The following FBXL20 variants were observed in gnomAD, a reference collection of about 807,000 sequenced individuals.
FBXL20 encodes the protein F-box/LRR-repeat protein 20.
A neutral mutation model predicts 64.0 loss-of-function variants in FBXL20; 11 were observed. That is an observed-to-expected ratio of 0.17 (90% CI 0.11 to 0.28). The LOEUF (loss-of-function observed/expected upper bound fraction) is 0.28, where lower values mean the gene tolerates loss of function less well. FBXL20 is among the 10% of genes least tolerant of loss of function. The pLI, the probability that FBXL20 is intolerant of heterozygous loss-of-function variation, is 1.00. For synonymous variants in FBXL20, 184 were observed against 189.0 expected, an observed-to-expected ratio of 0.97 and a Z score of 0.22; for missense variants, 303 against 526.2, an observed-to-expected ratio of 0.58 and a Z score of 4.15.
At chr17:39,359,015 A>G (rs1167037370) in intron 1 of FBXL20, among the ~76,000 whole-genome samples, 2 of 152,154 alleles carry the variant, frequency 1.3e-5, no homozygotes, top group African/African-American at 4.8e-5. Flanking sequence ...ACCACTTCAC[A>G]ATCATTAGGA....
At chr17:39,378,387 T>C (rs536522703) in intron 1 of FBXL20, among the ~76,000 whole-genome samples, 17 of 152,228 alleles carry the variant, frequency 1.1e-4, no homozygotes, top group African/African-American at 3.1e-4. Flanking sequence ...GGCAGGAAGA[T>C]TGAGCATAGA....
At chr17:39,339,581 T>G (rs776947394) in intron 2 of FBXL20, among the ~76,000 whole-genome samples, 23 of 152,154 alleles carry the variant, frequency 1.5e-4, no homozygotes, top group Non-Finnish European at 2.5e-4. Context: ...AATCCTGGAC[T>G]GAATCCTGGG....
rs764235902 is a variant in FBXL20 at position 39,261,567 on chromosome 17, T to C, written c.1204A>G (p.Thr402Ala). ...ITRAGIKRLR[T>A]HLPNIKVHAY... ...TGGACTTTAATATTGGGTAAATGGGTCTGAAACAAGACAGAAACATTAAAC... is the reference window on the plus strand; with the variant it reads ...TGGACTTTAATATTGGGTAAATGGGCCTGAAACAAGACAGAAACATTAAAC... The change falls in exon 15 of 15, where the codon ACC becomes GCC. Residue 402 changes from threonine (T) to alanine (A), a missense_variant and splice_region_variant. By Grantham distance (58) the Thr-to-Ala change is moderately conservative. Around this residue, in one of 3 missense-constraint regions of FBXL20, gnomAD observed 56 missense variants for 86.0 expected, o/e 0.65. Transcript: ENST00000264658. 2 of 1,606,594 alleles carry C rather than the reference T, an allele frequency of 1.2e-6. No individual in the cohort carries two copies. The highest frequency in any genetic ancestry group is 1.3e-5 in the African/African-American group (1 of 74,762).
intron 1 of FBXL20, among the ~76,000 whole-genome samples, chr17:39,348,714 T>C (rs566564385): frequency 6.6e-6 from 1 of 152,316 alleles, no homozygotes; most frequent in East Asian, 1.9e-4. Context: ...ATGTTCTTAC[T>C]TTTGAGACAA....
intron 1 of FBXL20, among the ~76,000 whole-genome samples, chr17:39,400,124 CAAGTT>C (rs1253728145): frequency 5.9e-5 from 9 of 152,136 alleles, no homozygotes; most frequent in African/African-American, 1.9e-4. Context: ...TTCTAGTGAT[CAAGTT>C]AAATACTAAA....
At chr17:39,289,427 G>C (rs2144408851) in intron 6 of FBXL20, among the ~76,000 whole-genome samples, 1 of 152,330 alleles carries the variant, frequency 6.6e-6, no homozygotes, top group East Asian at 1.9e-4. Context: ...GGAGGCTGAG[G>C]CAGGCAGGCT....
chr17:39,272,398 AAAAAT>A lies in FBXL20; in HGVS notation c.828-1547_828-1543del, dbSNP rs1342736432. ...AGACTTTGTCTCAAAAAAAAAAAAAAAAAATTTTTTTTTTAATTCCAAGAGATGGC... is the reference window on the plus strand; with the variant it reads ...AGACTTTGTCTCAAAAAAAAAAAAAATTTTTTTTTAATTCCAAGAGATGGC... On this transcript the variant is annotated intron_variant, in intron 10 of 14. Transcript: ENST00000264658. 3.8e-4 allele frequency among the ~76,000 whole-genome samples: 56 copies of A among 147,128 alleles called. 1 individual carries two copies. The highest frequency in any genetic ancestry group is 1.7e-3 in the Admixed American group (26 of 14,944).
At chr17:39,338,460 CT>C (rs1430367549) in intron 2 of FBXL20, among the ~76,000 whole-genome samples, 1 of 152,184 alleles carries the variant, frequency 6.6e-6, no homozygotes, top group Non-Finnish European at 1.5e-5. Context: ...TGTTTATCTG[CT>C]GACCTTCCCT....
chr17:39,266,983 T>G, intron 12 of FBXL20, among the ~76,000 whole-genome samples: 1 of 151,680 alleles, frequency 6.6e-6, no homozygotes, highest in East Asian at 2.0e-4. Flanking sequence ...CCAGACATGG[T>G]AGTTCACGCT....
chr17:39,279,044 T>C (rs2046924990), intron 9 of FBXL20, among the ~76,000 whole-genome samples: 1 of 150,974 alleles, frequency 6.6e-6, no homozygotes, highest in Non-Finnish European at 1.5e-5. Context: ...CTCGGGAAGG[T>C]GGGGCAGGAG....
chr17:39,288,860 C>A (rs1244776954), intron 6 of FBXL20, among the ~76,000 whole-genome samples: 3 of 152,098 alleles, frequency 2.0e-5, no homozygotes, highest in African/African-American at 7.2e-5. Context: ...CGTGCCGCCA[C>A]ACTCGGCTAA....
chr17:39,371,971 GT>G (rs2047922548), intron 1 of FBXL20, among the ~76,000 whole-genome samples: 1 of 152,166 alleles, frequency 6.6e-6, no homozygotes, highest in Non-Finnish European at 1.5e-5. Flanking sequence ...CCTGCCTTCT[GT>G]TGTACGTGGT....
intron 1 of FBXL20, among the ~76,000 whole-genome samples, chr17:39,381,719 A>C (rs1047056138): frequency 6.7e-6 from 1 of 148,208 alleles, no homozygotes; most frequent in Non-Finnish European, 1.5e-5. Context: ...GGAGCGGTGG[A>C]GAGGTTTAGG....
At chr17:39,392,512 A>G (rs2048144514) in intron 1 of FBXL20, among the ~76,000 whole-genome samples, 2 of 152,116 alleles carry the variant, frequency 1.3e-5, no homozygotes, top group South Asian at 2.1e-4. Flanking sequence ...TTCAGTATAC[A>G]GTGCGTTGGC....
chr17:39,285,102 C>T (rs992159688), intron 7 of FBXL20, among the ~76,000 whole-genome samples: 12 of 152,116 alleles, frequency 7.9e-5, no homozygotes, highest in Admixed American at 3.3e-4. Context: ...GACAGGGTTT[C>T]ACCATGTTGG....
intron 1 of FBXL20, among the ~76,000 whole-genome samples, chr17:39,383,100 T>C (rs2048042105): frequency 6.7e-6 from 1 of 148,612 alleles, no homozygotes; most frequent in African/African-American, 2.5e-5. Flanking sequence ...GAGGCAGAGG[T>C]TGCAGTGAGC....
chr17:39,373,118 AG>A (rs1339643058), intron 1 of FBXL20, among the ~76,000 whole-genome samples: 3 of 152,018 alleles, frequency 2.0e-5, no homozygotes, highest in Admixed American at 1.3e-4. Context: ...GCTCAGCTCA[AG>A]GCATAACCTC....
At chr17:39,300,231 C>T (rs2047122034) in intron 4 of FBXL20, among the ~76,000 whole-genome samples, 2 of 152,152 alleles carry the variant, frequency 1.3e-5, no homozygotes, top group South Asian at 2.1e-4. Flanking sequence ...TTTAAAAGCA[C>T]TTTGGTTGGT....
At chr17:39,316,914 G>A (rs1309177536) in intron 2 of FBXL20, among the ~76,000 whole-genome samples, 1 of 152,206 alleles carries the variant, frequency 6.6e-6, no homozygotes, top group Non-Finnish European at 1.5e-5. Flanking sequence ...ACTTGAACCT[G>A]GGAGGCGGAG....
Sources: gnomAD v4.1 joint callset for allele counts (sites outside exome capture counted in the v4.1 genomes callset) on GRCh38, gnomAD v4.1.1 for gene constraint, gnomAD v4.1.1 regional missense constraint, MANE v1.5 for transcripts, NCBI Gene and HGNC (gene_info 2026-07-23, HGNC 2026-07-21) for gene names.